UBXN8: variants seen among roughly 807,000 people sequenced by gnomAD.
UBXN8 encodes the protein UBX domain protein 8.
UBXN8 carries 27 observed loss-of-function variants against 32.1 expected under a neutral mutation model. That is an observed-to-expected ratio of 0.84 (90% confidence interval 0.62 to 1.16). UBXN8 has a LOEUF of 1.16. Ranked by LOEUF, UBXN8 falls within the 50% of genes most tolerant of loss-of-function variation. The pLI is 0.00. For synonymous variants in UBXN8, 109 were observed against 111.8 expected (o/e 0.98, Z 0.16); for missense variants, 306 against 311.4 (o/e 0.98, Z 0.13).
chr8:30,765,533 T>C (rs77759180), intron 7 of UBXN8, among the ~76,000 whole-genome samples: 629 of 8,576 alleles, frequency 0.073, 11 homozygotes, highest in East Asian at 0.34. Context: ...AAAAAAATTT[T>C]ATATATATAT....
intron 3 of UBXN8, 161 bp from the exon 4 acceptor site, chr8:30,754,504 C>G (rs144392942): frequency 1.1e-6 from 1 of 873,890 alleles, no homozygotes; most frequent in East Asian, 2.8e-5. Context: ...GTCCAGCTGT[C>G]GGCACGAGCC....
At position 30,751,426 on chromosome 8, in the gene UBXN8, G is replaced by A. The variant is rs779487232; in HGVS notation, c.119G>A (p.Arg40Gln). Residue 40 changes from arginine to glutamine, a missense_variant, in exon 2 of 8, where the codon CGG becomes CAG. Arg to Gln is a conservative substitution (Grantham distance 43). Coordinates refer to ENST00000265616, the MANE Select transcript of UBXN8 (RefSeq NM_005671.4). ...GIKDFLLLCGRILLLLALLTL... is the reference protein window; with the variant it reads ...GIKDFLLLCGQILLLLALLTL... ...AAGGATTTTCTTTTGCTTTGTGGCC[G>A]GATTTTGCTACTGCTTGCTCTTCTT... 36 of 1,598,520 alleles carry A rather than the reference G, an allele frequency of 2.3e-5. No individual in the cohort carries two copies. Among genetic ancestry groups the A allele is most frequent in the East Asian group, 9.0e-5 (4 of 44,662 alleles).
intron 6 of UBXN8, among the ~76,000 whole-genome samples, chr8:30,762,087 A>G (rs1805849468): frequency 6.9e-6 from 1 of 145,520 alleles, no homozygotes; most frequent in Non-Finnish European, 1.5e-5. Flanking sequence ...TTAAAGAGAC[A>G]GGCTTTTGCT....
At chr8:30,765,832 AC>A (rs1378763911) in intron 7 of UBXN8, among the ~76,000 whole-genome samples, 2 of 151,780 alleles carry the variant, frequency 1.3e-5, no homozygotes, top group East Asian at 3.9e-4. Context: ...ACATGGTGGA[AC>A]CCCGTCTCTA....
upstream of UBXN8, among the ~76,000 whole-genome samples, chr8:30,743,730 G>A (rs1805271546): frequency 6.6e-6 from 1 of 152,182 alleles, no homozygotes; most frequent in Admixed American, 6.5e-5. Flanking sequence ...ACTGCGGACG[G>A]GGCCAGGAAC....
At chr8:30,761,453 C>T (rs528089007) in intron 6 of UBXN8, among the ~76,000 whole-genome samples, 32 of 152,148 alleles carry the variant, frequency 2.1e-4, no homozygotes, top group African/African-American at 7.7e-4. Flanking sequence ...CCATGTTGGC[C>T]AGGCTGGCCT....
chr8:30,751,377 A>G lies in UBXN8; in HGVS notation c.89-19A>G, dbSNP rs1187339212. ...AAAAAAAGTTTTGAATTTTAATTTTAGTTTTTTTCCTTTATCAGGAATCAA... is the reference window on the plus strand; with the variant it reads ...AAAAAAAGTTTTGAATTTTAATTTTGGTTTTTTTCCTTTATCAGGAATCAA... On this transcript the variant is annotated intron_variant, in intron 1 of 7. Coordinates refer to ENST00000265616, the MANE Select transcript of UBXN8 (RefSeq NM_005671.4). 1 of 1,547,504 alleles carries G rather than the reference A, an allele frequency of 6.5e-7. No homozygotes were observed. The highest frequency in any genetic ancestry group is 1.2e-5 in the South Asian group (1 of 83,144).
intron 5 of UBXN8, among the ~76,000 whole-genome samples, chr8:30,758,279 T>C (rs1051427969): frequency 6.6e-6 from 1 of 152,216 alleles, no homozygotes; most frequent in Non-Finnish European, 1.5e-5. Flanking sequence ...TCCTATTAAC[T>C]TAAGAACATT....
upstream of UBXN8, among the ~76,000 whole-genome samples, chr8:30,730,723 C>A (rs1308775865): frequency 6.6e-6 from 1 of 152,214 alleles, no homozygotes; most frequent in Non-Finnish European, 1.5e-5. Flanking sequence ...CTACGAGAGA[C>A]TGTGTGAGGC....
intron 4 of UBXN8, 37 bp downstream of exon 4, chr8:30,754,824 T>C (rs781295007): frequency 3.9e-6 from 6 of 1,541,972 alleles, no homozygotes; most frequent in South Asian, 1.3e-5. Flanking sequence ...TTGAATCCTC[T>C]TACTATGTTT....
chr8:30,737,434 G>C (rs1013989169), intron 1 of UBXN8, among the ~76,000 whole-genome samples: 1 of 152,164 alleles, frequency 6.6e-6, no homozygotes, highest in East Asian at 1.9e-4. Flanking sequence ...CATCCCAGCT[G>C]ACATATAAAA....
intron 5 of UBXN8, 112 bp from the exon 6 acceptor site, chr8:30,760,776 A>T (rs1395939182): frequency 1.5e-6 from 1 of 669,246 alleles, no homozygotes; most frequent in East Asian, 3.1e-5. Flanking sequence ...TGAAGAAAAG[A>T]TATAAGTAAG....
intron 7 of UBXN8, among the ~76,000 whole-genome samples, chr8:30,765,758 A>G (rs1358704717): frequency 1.3e-5 from 2 of 152,068 alleles, no homozygotes; most frequent in Non-Finnish European, 2.9e-5. Flanking sequence ...CCATAATCCC[A>G]GCACTTCGGG....
intron 2 of UBXN8, 148 bp from the exon 3 acceptor site, chr8:30,752,887 C>T: frequency 1.1e-6 from 1 of 931,870 alleles, no homozygotes; most frequent in Non-Finnish European, 1.5e-6. Context: ...TACTATTCAA[C>T]CCAAACATAA....
chr8:30,765,120 C>A (rs1294858868), intron 7 of UBXN8, among the ~76,000 whole-genome samples: 1 of 152,018 alleles, frequency 6.6e-6, no homozygotes, highest in African/African-American at 2.4e-5. Context: ...ACTATGCTGA[C>A]CAGGCCAATC....
intron 5 of UBXN8, among the ~76,000 whole-genome samples, chr8:30,760,443 A>AT (rs199634258): frequency 2.7e-3 from 249 of 91,084 alleles, no homozygotes; most frequent in African/African-American, 6.0e-3. Flanking sequence ...ATATATATAT[A>AT]TTTTTTTTTT....
chr8:30,749,852 C>A (rs377424155), intron 1 of UBXN8, among the ~76,000 whole-genome samples: 1 of 152,076 alleles, frequency 6.6e-6, no homozygotes, highest in African/African-American at 2.4e-5. Context: ...GATCTGCCTG[C>A]CTCGGCCTCC....
intron 6 of UBXN8, among the ~76,000 whole-genome samples, chr8:30,762,773 A>G (rs73585371): frequency 0.045 from 6,869 of 152,192 alleles, 523 homozygotes; most frequent in African/African-American, 0.16. Flanking sequence ...CTAATATGAT[A>G]CCCACATAAC....
upstream of UBXN8, among the ~76,000 whole-genome samples, chr8:30,741,764 T>C (rs886428578): frequency 1.3e-5 from 2 of 152,136 alleles, no homozygotes; most frequent in African/African-American, 4.8e-5. Context: ...TGTTCTTTTC[T>C]AATGCTGTAA....
Sources: gnomAD v4.1 joint callset for allele counts (sites outside exome capture counted in the v4.1 genomes callset) on GRCh38, gnomAD v4.1.1 for gene constraint, MANE v1.5 for transcripts, NCBI Gene and HGNC (gene_info 2026-07-23, HGNC 2026-07-21) for gene names.